The following FAT4 variants were observed in gnomAD, a reference collection of about 807,000 sequenced individuals.
The protein encoded by FAT4 is FAT atypical cadherin 4.
A neutral mutation model predicts 303.9 loss-of-function variants in FAT4; 84 were observed. The ratio of observed to expected loss-of-function variants is 0.28; its 90% CI spans 0.23 to 0.33. The LOEUF is 0.33. Among genes scored for constraint, FAT4 ranks in the 10% least tolerant of loss-of-function variants. The pLI, the probability that FAT4 is intolerant of heterozygous loss-of-function variation, is 1.00. For missense variants in FAT4, 6,005 were observed against 6,146.8 expected, an observed-to-expected ratio of 0.98 and a Z score of 0.77; for synonymous variants, 2,307 against 2,298.8, an observed-to-expected ratio of 1.00 and a Z score of -0.10.
At chr4:125,474,252 A>G (rs1007814630) in intron 12 of FAT4, among the ~76,000 whole-genome samples, 2 of 152,032 alleles carry the variant, frequency 1.3e-5, no homozygotes, top group African/African-American at 2.4e-5. Flanking sequence ...ATTTATAAAT[A>G]TCCATGTGGT....
Position 125,317,865 on chromosome 4 carries a change from G to C in FAT4, c.1454G>C (p.Ser485Thr). ...FSQQVYRVNLSEEAPPGSYVS... is the reference protein window; with the variant it reads ...FSQQVYRVNLTEEAPPGSYVS... ...CAGCAAGTGTACAGAGTGAACCTGA[G>C]CGAGGAGGCGCCTCCGGGAAGCTAT... Residue 485 changes from serine (S) to threonine (T), a missense_variant, in exon 2 of 18, where the codon AGC becomes ACC. By Grantham distance (58) the Ser-to-Thr change is moderately conservative. Transcript: ENST00000394329. The surrounding 1 kb of genome is among the most constrained non-coding windows in gnomAD (Gnocchi z 7.0). The C allele has an allele frequency of 6.2e-7, 1 of 1,614,170 alleles. No individual in the cohort carries two copies. Among genetic ancestry groups the C allele is most frequent in the Non-Finnish European group, 8.5e-7 (1 of 1,180,020 alleles).
Position 125,321,311 on chromosome 4 carries a change from T to C in FAT4, c.4900T>C (p.Tyr1634His). ...LDGPVFTQPKYITILKEGEPI... is the reference protein window; with the variant it reads ...LDGPVFTQPKHITILKEGEPI... Reference sequence around the variant, plus strand: ...TGGACCTGTTTTTACTCAACCCAAATATATAACTATTTTGAAGGAAGGAGA... The same window carrying C: ...TGGACCTGTTTTTACTCAACCCAAACATATAACTATTTTGAAGGAAGGAGA... The change falls in exon 2 of 18, where the codon TAT (tyrosine) becomes CAT (histidine). Residue 1634 changes from tyrosine to histidine, a missense_variant. Physicochemically the swap from Tyr to His is moderately conservative, Grantham distance 83 (BLOSUM62 2). Transcript: ENST00000394329. 6.2e-7 allele frequency: 1 copy of C among 1,614,106 alleles called. No homozygotes were observed. The highest frequency in any genetic ancestry group is 1.3e-5 in the African/African-American group (1 of 75,036).
intron 8 of FAT4, among the ~76,000 whole-genome samples, chr4:125,442,804 T>C (rs12511204): frequency 0.15 from 23,240 of 152,080 alleles, 1,945 homozygotes; most frequent in South Asian, 0.27. Context: ...GGATAGATTG[T>C]ATGTAATAGA....
rs2126096644 is a variant in FAT4, at chr4:125,490,323, C to T, written c.13507C>T (p.Pro4503Ser). ...TCAGGGCCCTGAAGAGATCTCTCTG[C>T]CTTTGTGGGCTGTGCCTGCCATCGT... ...LSQGPEEISL[P>S]LWAVPAIVGS... is the part of the protein sequence containing the mutation. The change falls in exon 18 of 18, where the codon CCT becomes TCT. Residue 4503 changes from proline (P) to serine (S), a missense_variant. Transcript: ENST00000394329. 6.2e-7 allele frequency: 1 copy of T among 1,614,124 alleles called. No individual in the cohort carries two copies. The highest frequency in any genetic ancestry group is 8.5e-7 in the Non-Finnish European group (1 of 1,180,034).
intron 12 of FAT4, among the ~76,000 whole-genome samples, chr4:125,470,298 T>C (rs919974244): frequency 6.6e-6 from 1 of 152,194 alleles, no homozygotes; most frequent in African/African-American, 2.4e-5. Flanking sequence ...GGATTTTTAA[T>C]ATGGAAAAGG....
At chr4:125,391,304 G>A (rs1461120390) in intron 2 of FAT4, among the ~76,000 whole-genome samples, 2 of 152,122 alleles carry the variant, frequency 1.3e-5, no homozygotes, top group Non-Finnish European at 2.9e-5. Context: ...CAAAGAAAAT[G>A]TGGTACATAT....
chr4:125,458,229 G>A (rs1289094113), intron 10 of FAT4, among the ~76,000 whole-genome samples: 1 of 151,934 alleles, frequency 6.6e-6, no homozygotes, highest in Admixed American at 6.6e-5. Context: ...GATATTTCAG[G>A]AAAGATGAGG....
chr4:125,354,668 A>C (rs914052542), intron 2 of FAT4, among the ~76,000 whole-genome samples: 2 of 151,516 alleles, frequency 1.3e-5, no homozygotes, highest in African/African-American at 2.4e-5. Context: ...GCCTCAGTTC[A>C]ACAGGAAAAT....
chr4:125,484,512 A>G (rs1339970116), intron 16 of FAT4, among the ~76,000 whole-genome samples: 1 of 152,180 alleles, frequency 6.6e-6, no homozygotes. Context: ...AATTGGAATA[A>G]GGAATTCAAA....
At chr4:125,457,685 A>G (rs1483474925) in intron 10 of FAT4, among the ~76,000 whole-genome samples, 1 of 152,054 alleles carries the variant, frequency 6.6e-6, no homozygotes, top group Admixed American at 6.6e-5. Flanking sequence ...ATTAGAAAAG[A>G]TGGATAAAGT....
At chr4:125,362,328 C>G (rs983963791) in intron 2 of FAT4, among the ~76,000 whole-genome samples, 1 of 152,052 alleles carries the variant, frequency 6.6e-6, no homozygotes, top group Non-Finnish European at 1.5e-5. Context: ...GCATCATGTT[C>G]TGTCCAGTGT....
rs1730843254 is a variant in FAT4, at chr4:125,319,715, A to G, written c.3304A>G (p.Ser1102Gly). 1 of 1,614,052 alleles carries G rather than the reference A, an allele frequency of 6.2e-7. No individual in the cohort carries two copies. Residue 1102 changes from serine (S) to glycine (G), a missense_variant, in exon 2 of 18, where the codon AGT becomes GGT. Transcript: ENST00000394329. Reference sequence around the variant, plus strand: ...AAATGATAACAGACCTCTTTTTAACAGTACCAATTACACATTTTACTTCGA... The same window carrying G: ...AAATGATAACAGACCTCTTTTTAACGGTACCAATTACACATTTTACTTCGA... The part of the protein sequence containing the change: ...DVNDNRPLFN[S>G]TNYTFYFEEE...
chr4:125,421,193 G>C (rs1724871640), intron 7 of FAT4, among the ~76,000 whole-genome samples: 1 of 152,148 alleles, frequency 6.6e-6, no homozygotes, highest in African/African-American at 2.4e-5. Flanking sequence ...AAAGTGCTAG[G>C]CGTGAGCCAC....
At chr4:125,406,780 G>A (rs1734628628) in intron 3 of FAT4, 100 bp from the exon 4 acceptor site, 1 of 1,343,080 alleles carries the variant, frequency 7.4e-7, no homozygotes. Flanking sequence ...TGAACTTAAA[G>A]CCAAAAAGCC....
chr4:125,368,715 G>T (rs1732985814), intron 2 of FAT4, among the ~76,000 whole-genome samples: 3 of 151,144 alleles, frequency 2.0e-5, no homozygotes, highest in Non-Finnish European at 4.4e-5. Flanking sequence ...GTCAAGATGG[G>T]AAAATATCCA....
chr4:125,405,767 G>T (rs1478498381), intron 3 of FAT4, among the ~76,000 whole-genome samples: 1 of 152,082 alleles, frequency 6.6e-6, no homozygotes. Context: ...CTCCCAAAGT[G>T]CTGGGATTAC....
At chr4:125,487,713 CA>C in intron 17 of FAT4, 107 bp downstream of exon 17, 1 of 1,098,006 alleles carries the variant, frequency 9.1e-7, no homozygotes, top group Non-Finnish European at 1.2e-6. Context: ...ATCTCATATA[CA>C]GAACAATTTC....
intron 2 of FAT4, among the ~76,000 whole-genome samples, chr4:125,386,542 T>G (rs1159374972): frequency 6.6e-6 from 1 of 152,148 alleles, no homozygotes; most frequent in Non-Finnish European, 1.5e-5. Context: ...AGTGCTGGGA[T>G]TATAGGTGTG....
At chr4:125,411,705 A>G (rs930412719) in intron 5 of FAT4, among the ~76,000 whole-genome samples, 2 of 148,970 alleles carry the variant, frequency 1.3e-5, no homozygotes, top group Admixed American at 6.7e-5. Context: ...ATACACCTAT[A>G]CTTTTAAAAT....
Sources: allele counts gnomAD v4.1 joint callset (sites outside exome capture counted in the v4.1 genomes callset), GRCh38; gene constraint gnomAD v4.1.1; non-coding constraint Gnocchi (gnomAD v3.1); transcripts MANE v1.5; gene names NCBI Gene and HGNC (gene_info 2026-07-23, HGNC 2026-07-21).